ZNF69: variants seen among roughly 807,000 people sequenced by gnomAD.
The protein encoded by ZNF69 is zinc finger protein 69.
Under a neutral mutation model 50.9 loss-of-function variants are expected in ZNF69, and 47 were observed. The observed-to-expected ratio is 0.92, with a 90% CI of 0.73 to 1.18. ZNF69 has a LOEUF of 1.18. Among genes scored for constraint, ZNF69 ranks in the 50% most tolerant of loss-of-function variants. ZNF69 has a pLI of 0.00. For missense variants in ZNF69, 717 were observed against 675.1 expected (o/e 1.06, Z -0.69); for synonymous variants, 216 against 223.1 (o/e 0.97, Z 0.29).
chr19:11,965,551 G>A, the ZNF69 span, among the ~76,000 whole-genome samples: 1 of 152,252 alleles, frequency 6.6e-6, no homozygotes, highest in Non-Finnish European at 1.5e-5. Context: ...GGGTTCGTGC[G>A]TGGGAGGAGC....
chr19:11,935,154 C>G, the ZNF69 span, among the ~76,000 whole-genome samples: 2 of 121,904 alleles, frequency 1.6e-5, no homozygotes, highest in Non-Finnish European at 3.2e-5. Flanking sequence ...CCAGCCTGGG[C>G]GACAGAGCGA....
the ZNF69 span, among the ~76,000 whole-genome samples, chr19:11,925,554 C>T: frequency 6.6e-6 from 1 of 152,342 alleles, no homozygotes; most frequent in Admixed American, 6.5e-5. Flanking sequence ...CCGCGTCTCC[C>T]CAGATTGTGC....
the ZNF69 span, chr19:11,978,250 T>C: frequency 5.2e-5 from 84 of 1,613,788 alleles, no homozygotes; most frequent in African/African-American, 1.1e-3. Context: ...TGTGATAACT[T>C]TGTATGTGGA....
the ZNF69 span, chr19:11,950,216 C>T: frequency 6.2e-7 from 1 of 1,612,666 alleles, no homozygotes; most frequent in Non-Finnish European, 8.5e-7. Context: ...GGAGAGAAGC[C>T]ATATGAATGT....
chr19:11,894,559 G>A (rs1977176979), intron 1 of ZNF69, among the ~76,000 whole-genome samples: 1 of 152,180 alleles, frequency 6.6e-6, no homozygotes, highest in East Asian at 1.9e-4. Flanking sequence ...GTAGAATGGG[G>A]TGACCTAATA....
At chr19:11,935,754 C>A in the ZNF69 span, among the ~76,000 whole-genome samples, 2 of 152,146 alleles carry the variant, frequency 1.3e-5, no homozygotes, top group South Asian at 2.1e-4. Flanking sequence ...ATGTGCACAA[C>A]GTGCAGGTTT....
At chr19:11,979,551 A>G in the ZNF69 span, 1 of 1,603,024 alleles carries the variant, frequency 6.2e-7, no homozygotes, top group African/African-American at 1.3e-5. Context: ...TATGAATGCA[A>G]GCAATGTGGT....
At chr19:11,934,956 G>A in the ZNF69 span, among the ~76,000 whole-genome samples, 5 of 147,252 alleles carry the variant, frequency 3.4e-5, no homozygotes, top group East Asian at 6.1e-4. Context: ...CAAGGCGGGT[G>A]GATCAGGAGG....
chr19:11,970,566 T>C, the ZNF69 span, among the ~76,000 whole-genome samples: 2 of 152,214 alleles, frequency 1.3e-5, no homozygotes, highest in Non-Finnish European at 1.5e-5. Flanking sequence ...TAGATAACCA[T>C]TTGTCCCTGC....
intron 1 of ZNF69, among the ~76,000 whole-genome samples, chr19:11,897,601 G>A (rs765466525): frequency 4.7e-5 from 7 of 150,258 alleles, no homozygotes; most frequent in Non-Finnish European, 8.9e-5. Context: ...AGTCAGGTGC[G>A]GTAGCTCACG....
chr19:11,970,270 C>G, the ZNF69 span, among the ~76,000 whole-genome samples: 2 of 152,298 alleles, frequency 1.3e-5, no homozygotes, highest in African/African-American at 4.8e-5. Context: ...AAAGGCCACT[C>G]CAACAAGGAT....
At chr19:11,924,693 C>T in the ZNF69 span, among the ~76,000 whole-genome samples, 1 of 152,138 alleles carries the variant, frequency 6.6e-6, no homozygotes, top group South Asian at 2.1e-4. Context: ...CGCTCGAGGA[C>T]ATATGCCTCT....
chr19:11,924,925 G>C, the ZNF69 span: 1 of 384,750 alleles, frequency 2.6e-6, no homozygotes, highest in Non-Finnish European at 4.9e-6. Flanking sequence ...CCAGAGTGCA[G>C]AAAGCAGCTC....
chr19:11,890,072 C>A (rs561627911), intron 1 of ZNF69, among the ~76,000 whole-genome samples: 17 of 152,158 alleles, frequency 1.1e-4, no homozygotes, highest in African/African-American at 3.9e-4. Flanking sequence ...AATGAATGGT[C>A]GGCTTTACAC....
At position 11,904,783 on chromosome 19, in the gene ZNF69, T is replaced by C. The variant is rs1273367022; in HGVS notation, c.386T>C (p.Phe129Ser). The change falls in exon 4 of 4, where the codon TTT becomes TCT. Residue 129 changes from phenylalanine to serine, a missense_variant. Phe to Ser is a radical substitution (Grantham distance 155). Transcript: ENST00000429654. The part of the protein sequence containing the change: ...ASPEIKSCDS[F>S]VCGEVGLGNS... ...CCTGAAATAAAATCATGTGACAGCTTTGTGTGTGGAGAAGTTGGCCTAGGT... is the reference window on the plus strand; with the variant it reads ...CCTGAAATAAAATCATGTGACAGCTCTGTGTGTGGAGAAGTTGGCCTAGGT... 3.1e-6 allele frequency: 5 copies of C among 1,613,802 alleles called. No homozygotes were observed. Among genetic ancestry groups the C allele is most frequent in the Non-Finnish European group, 4.2e-6 (5 of 1,179,902 alleles).
the ZNF69 span, among the ~76,000 whole-genome samples, chr19:11,936,441 TTGA>T: frequency 6.6e-6 from 1 of 152,194 alleles, no homozygotes; most frequent in African/African-American, 2.4e-5. Context: ...ATGACCAGTG[TTGA>T]TGAGCATTTT....
chr19:11,950,115 A>G, the ZNF69 span: 1 of 1,614,112 alleles, frequency 6.2e-7, no homozygotes. Context: ...ATGCAAGAAC[A>G]CACATTGGAG....
In ZNF69 at chr19:11,905,807, A is replaced by T; in HGVS notation, c.1410A>T (p.Arg470Ser). ...QSHERTQTHV[R>S]IHSGERPYKC... is the part of the protein sequence containing the mutation. ...ATGAAAGGACACAAACACACGTAAG[A>T]ATACACTCTGGAGAAAGACCTTATA... The change falls in exon 4 of 4, where the codon AGA (arginine) becomes AGT (serine). Residue 470 changes from arginine (R) to serine (S), a missense_variant. By Grantham distance (110) the Arg-to-Ser change is moderately radical. Coordinates refer to ENST00000429654, the MANE Select transcript of ZNF69 (RefSeq NM_001364730.1). The T allele has an allele frequency of 6.2e-7, 1 of 1,613,894 alleles. No homozygotes were observed. The highest frequency in any genetic ancestry group is 8.5e-7 in the Non-Finnish European group (1 of 1,180,006).
At chr19:11,945,833 G>T in the ZNF69 span, among the ~76,000 whole-genome samples, 1 of 152,076 alleles carries the variant, frequency 6.6e-6, no homozygotes, top group Admixed American at 6.5e-5. Flanking sequence ...TCCCTTCCCA[G>T]CAAGGGCAAG....
Sources: allele counts gnomAD v4.1 joint callset (sites outside exome capture counted in the v4.1 genomes callset), GRCh38; gene constraint gnomAD v4.1.1; transcripts MANE v1.5; gene names NCBI Gene and HGNC (gene_info 2026-07-23, HGNC 2026-07-21).